Variants in MERTK observed in about 807,000 individuals in gnomAD.
The protein encoded by MERTK is tyrosine-protein kinase Mer.
Under a neutral mutation model 99.3 loss-of-function variants are expected in MERTK, and 69 were observed. That is an observed-to-expected ratio of 0.70 (90% CI 0.57 to 0.85). MERTK has a LOEUF of 0.85. Ranked by LOEUF, MERTK falls within the 40% of genes least tolerant of loss-of-function variation. The pLI is 0.00. For synonymous variants in MERTK, 426 were observed against 467.6 expected, an observed-to-expected ratio of 0.91 and a Z score of 1.15; for missense variants, 1,125 against 1,249.4, an observed-to-expected ratio of 0.90 and a Z score of 1.50.
intron 1 of MERTK, among the ~76,000 whole-genome samples, chr2:111,910,398 T>C (rs1432038648): frequency 6.6e-6 from 1 of 151,750 alleles, no homozygotes; most frequent in African/African-American, 2.4e-5. Context: ...GCACCCCGAG[T>C]AGCTGGGATT....
intron 2 of MERTK, among the ~76,000 whole-genome samples, chr2:111,934,987 T>TA (rs1237994150): frequency 6.6e-6 from 1 of 152,120 alleles, no homozygotes; most frequent in Admixed American, 6.6e-5. Flanking sequence ...CCATTGCTCT[T>TA]ACACCCTCTT....
intron 2 of MERTK, among the ~76,000 whole-genome samples, chr2:111,935,638 CGTGTGT>C (rs55986780): frequency 0.032 from 4,502 of 139,866 alleles, 94 homozygotes; most frequent in Middle Eastern, 0.046. Flanking sequence ...GGTCTTGGCT[CGTGTGT>C]GTGTGTGTGT....
In MERTK at chr2:111,905,433, C is replaced by CTTTTTTTT. The variant is rs61232340; in HGVS notation, c.61+6653_61+6660dup. ...ATTTCATTGAGAAACCTACACTGTTCTTTTTTTTTTTTTTTTTTTTTTTGA... is the reference window on the plus strand; with the variant it reads ...ATTTCATTGAGAAACCTACACTGTTCTTTTTTTTTTTTTTTTTTTTTTTTTTTTTTTGA... On this transcript the variant is annotated intron_variant, in intron 1 of 18. Coordinates refer to ENST00000295408, the MANE Select transcript of MERTK (RefSeq NM_006343.3). Among the ~76,000 whole-genome samples, 76 of 85,248 alleles carry CTTTTTTTT rather than the reference C, an allele frequency of 8.9e-4. 3 individuals are homozygous for CTTTTTTTT. Among genetic ancestry groups the CTTTTTTTT allele is most frequent in the Admixed American group, 1.3e-3 (7 of 5,496 alleles). The allele number at this position is 85,248 out of a possible 152,430, so 55.9% of individuals were successfully genotyped here.
At chr2:112,021,819 TC>T (rs1367811580) in intron 17 of MERTK, among the ~76,000 whole-genome samples, 1 of 152,214 alleles carries the variant, frequency 6.6e-6, no homozygotes, top group Non-Finnish European at 1.5e-5. Context: ...CTTAATTTCT[TC>T]CCATTTTTCC....
intron 15 of MERTK, among the ~76,000 whole-genome samples, chr2:112,014,272 C>G (rs1269381194): frequency 6.6e-6 from 1 of 152,118 alleles, no homozygotes; most frequent in South Asian, 2.1e-4. Flanking sequence ...CTGCCCACTT[C>G]GGCCTCCCAA....
intron 2 of MERTK, among the ~76,000 whole-genome samples, chr2:111,932,852 G>C (rs558790237): frequency 6.6e-6 from 1 of 152,120 alleles, no homozygotes; most frequent in African/African-American, 2.4e-5. Context: ...TCAGATGGGA[G>C]GTTATCTTGG....
chr2:111,956,287 G>A (rs1212423143), intron 4 of MERTK, among the ~76,000 whole-genome samples: 1 of 152,084 alleles, frequency 6.6e-6, no homozygotes, highest in Non-Finnish European at 1.5e-5. Flanking sequence ...TGAATGTAAA[G>A]CCCTTGGTAC....
At chr2:112,008,301 G>T in intron 13 of MERTK, 82 bp from the exon 14 acceptor site, 1 of 1,020,092 alleles carries the variant, frequency 9.8e-7, no homozygotes, top group South Asian at 1.3e-5. Flanking sequence ...CTGGGTTTTA[G>T]AGAACAGAAC....
intron 15 of MERTK, among the ~76,000 whole-genome samples, chr2:112,012,018 CAGGAAGTGTGCA>C (rs1249947331): frequency 6.6e-6 from 1 of 152,182 alleles, no homozygotes; most frequent in African/African-American, 2.4e-5. Flanking sequence ...GGCATAGGGG[CAGGAAGTGTGCA>C]AGGTAACTAG....
chr2:111,899,306 A>G (rs1001932055), intron 1 of MERTK, among the ~76,000 whole-genome samples: 6 of 151,902 alleles, frequency 3.9e-5, no homozygotes, highest in African/African-American at 1.4e-4. Flanking sequence ...GGGAGCCGCG[A>G]TAGACTGAGG....
chr2:111,963,056 C>T (rs1473937510), intron 4 of MERTK, among the ~76,000 whole-genome samples: 1 of 152,078 alleles, frequency 6.6e-6, no homozygotes, highest in Non-Finnish European at 1.5e-5. Flanking sequence ...GGGGATGTGG[C>T]AGGGTCATAG....
chr2:112,029,486 A>G lies in MERTK; in HGVS notation c.*622A>G, dbSNP rs1305703410. On this transcript the variant is annotated 3_prime_UTR_variant, in exon 19 of 19. Coordinates refer to ENST00000295408, the MANE Select transcript of MERTK (RefSeq NM_006343.3). Reference sequence around the variant, plus strand: ...GGCAATTGCTCTGACCATTCTTGGCATTGCTTTATAGAGATATGGAAAAAC... The same window carrying G: ...GGCAATTGCTCTGACCATTCTTGGCGTTGCTTTATAGAGATATGGAAAAAC... 1.8e-5 allele frequency: 5 copies of G among 277,142 alleles called. No individual in the cohort carries two copies. Among genetic ancestry groups the G allele is most frequent in the Admixed American group, 6.4e-5 (1 of 15,506 alleles). 17.2% of individuals were successfully genotyped at this position (277,142 alleles called of 1,614,324 possible).
chr2:112,008,198 G>T (rs985401159), intron 13 of MERTK, among the ~76,000 whole-genome samples, 185 bp from the exon 14 acceptor site: 2 of 151,792 alleles, frequency 1.3e-5, no homozygotes, highest in Admixed American at 6.6e-5. Context: ...CCTGTGCTTT[G>T]CCTGTTTGCC....
intron 1 of MERTK, among the ~76,000 whole-genome samples, chr2:111,900,149 C>T (rs923680313): frequency 2.6e-5 from 4 of 152,002 alleles, no homozygotes; most frequent in East Asian, 1.9e-4. Flanking sequence ...TTAGGAATAC[C>T]TGGAAAGCTC....
At chr2:111,947,274 A>ACCCCCC in intron 3 of MERTK, 120 bp from the exon 4 acceptor site, 5 of 351,592 alleles carry the variant, frequency 1.4e-5, no homozygotes, top group Non-Finnish European at 2.3e-5. Context: ...CTCCATCCCC[A>ACCCCCC]CCCGCCCCCC....
chr2:111,982,866 TCA>T lies in MERTK; in HGVS notation c.1171_1172del (p.Thr391CysfsTer5), dbSNP rs746226023. 18 of 1,614,150 alleles carry T rather than the reference TCA, an allele frequency of 1.1e-5. No individual in the cohort carries two copies. The highest frequency in any genetic ancestry group is 1.5e-5 in the Non-Finnish European group (18 of 1,180,004). Reference sequence around the variant, plus strand: ...GCCCCATCAGTAGCACCTTTAAATGTCACTGTGTTTCTGAATGAATCTAGTGA... The same window carrying T: ...GCCCCATCAGTAGCACCTTTAAATGTCTGTGTTTCTGAATGAATCTAGTGA... On this transcript the variant is annotated frameshift_variant, in exon 8 of 19. Transcript: ENST00000295408. LOFTEE classifies it high-confidence loss of function.
chr2:111,978,621 T>C (rs551584919), intron 7 of MERTK, among the ~76,000 whole-genome samples: 30 of 152,362 alleles, frequency 2.0e-4, no homozygotes, highest in Middle Eastern at 3.4e-3. Context: ...CCCAGCCTTT[T>C]CATAACTGTT....
intron 2 of MERTK, among the ~76,000 whole-genome samples, chr2:111,933,600 C>A (rs11123049): frequency 0.044 from 6,698 of 152,080 alleles, 508 homozygotes; most frequent in African/African-American, 0.15. Flanking sequence ...TAAGAATAGG[C>A]AGAATTTATG....
intron 4 of MERTK, among the ~76,000 whole-genome samples, chr2:111,959,345 T>C (rs2104716028): frequency 6.6e-6 from 1 of 152,286 alleles, no homozygotes; most frequent in Non-Finnish European, 1.5e-5. Context: ...CCTCCCTATT[T>C]TCCTTTCATC....
Sources: gnomAD v4.1 joint callset for allele counts (sites outside exome capture counted in the v4.1 genomes callset) on GRCh38, gnomAD v4.1.1 for gene constraint, MANE v1.5 for transcripts, NCBI Gene and HGNC (gene_info 2026-07-23, HGNC 2026-07-21) for gene names.